Variants in HOOK3 observed in about 807,000 individuals in gnomAD.
HOOK3 encodes the protein hook microtubule tethering protein 3.
In HOOK3, 24 loss-of-function variants were observed where a neutral mutation model predicts 116.3. The observed-to-expected ratio is 0.21, with a 90% confidence interval of 0.15 to 0.29. The LOEUF is 0.29. Ranked by LOEUF, HOOK3 falls within the 10% of genes least tolerant of loss-of-function variation. The probability of loss-of-function intolerance (pLI) is 1.00; values close to 1 mark genes in which losing one functional copy is unlikely to be tolerated. For missense variants in HOOK3, 632 were observed against 830.2 expected (o/e 0.76, Z 2.93); for synonymous variants, 275 against 283.0 (o/e 0.97, Z 0.28).
Position 43,025,463 on chromosome 8 carries a change from A to T in HOOK3, c.*6965A>T. On this transcript the variant is annotated 3_prime_UTR_variant, in exon 22 of 22. Coordinates refer to ENST00000307602, the MANE Select transcript of HOOK3 (RefSeq NM_032410.4). Reference sequence around the variant, plus strand: ...CAATGAAAACTTGCATTATCTAAACAGATGTTCCCAAAGCAATAGTTTGCC... The same window carrying T: ...CAATGAAAACTTGCATTATCTAAACTGATGTTCCCAAAGCAATAGTTTGCC... The T allele has an allele frequency of 4.7e-6, 1 of 214,038 alleles. No homozygotes were observed. The highest frequency in any genetic ancestry group is 9.4e-6 in the Non-Finnish European group (1 of 105,890). 13.3% of individuals were successfully genotyped at this position (214,038 alleles called of 1,614,324 possible). A position where few individuals can be genotyped will look rare whatever the true frequency, so the allele number is the denominator to read the frequency against.
intron 4 of HOOK3, among the ~76,000 whole-genome samples, chr8:42,936,742 A>G (rs1044980781): frequency 1.3e-5 from 2 of 152,202 alleles, no homozygotes; most frequent in Admixed American, 6.5e-5. Context: ...GATGAAGCCA[A>G]CTTGATGGTG....
intron 17 of HOOK3, among the ~76,000 whole-genome samples, chr8:43,006,691 G>T (rs1273651801): frequency 6.6e-6 from 1 of 152,046 alleles, no homozygotes; most frequent in Non-Finnish European, 1.5e-5. Flanking sequence ...CTGTTATATT[G>T]TATATGTTCT....
chr8:42,897,251 A>T (rs1352462445), intron 1 of HOOK3, 63 bp downstream of exon 1: 17 of 1,118,950 alleles, frequency 1.5e-5, no homozygotes, highest in African/African-American at 6.5e-5. Flanking sequence ...GGGACCCTCC[A>T]CGCGCGGCCC....
chr8:42,909,486 C>G (rs1419601967), intron 2 of HOOK3, among the ~76,000 whole-genome samples: 2 of 152,204 alleles, frequency 1.3e-5, no homozygotes, highest in South Asian at 2.1e-4. Flanking sequence ...TTGATCGAGA[C>G]AGGGTCTCAC....
At chr8:43,003,619 T>C (rs954700869) in intron 17 of HOOK3, among the ~76,000 whole-genome samples, 7 of 152,206 alleles carry the variant, frequency 4.6e-5, no homozygotes, top group Admixed American at 2.0e-4. Flanking sequence ...CAAATTACCA[T>C]ACACTAGGTG....
At chr8:42,938,903 C>G (rs546569205) in intron 4 of HOOK3, among the ~76,000 whole-genome samples, 8,214 of 151,832 alleles carry the variant, frequency 0.054, 428 homozygotes, top group African/African-American at 0.14. Flanking sequence ...TTGAGATTAG[C>G]GAGTGGTGAT....
chr8:42,897,998 A>G (rs1291714307), intron 1 of HOOK3, among the ~76,000 whole-genome samples: 1 of 152,206 alleles, frequency 6.6e-6, no homozygotes, highest in African/African-American at 2.4e-5. Context: ...CGTTTCACTC[A>G]TTGCTGAGAA....
At chr8:42,996,611 A>C (rs763835411) in intron 15 of HOOK3, among the ~76,000 whole-genome samples, 1 of 151,918 alleles carries the variant, frequency 6.6e-6, no homozygotes, top group Non-Finnish European at 1.5e-5. Flanking sequence ...CTCATCATCT[A>C]TACCATTCCT....
intron 4 of HOOK3, among the ~76,000 whole-genome samples, chr8:42,932,221 A>G (rs1469236669): frequency 1.3e-5 from 2 of 152,218 alleles, no homozygotes; most frequent in East Asian, 1.9e-4. Context: ...GAATGCGAAC[A>G]TAGGGTTGGT....
At chr8:42,996,183 C>T (rs546394337) in intron 15 of HOOK3, among the ~76,000 whole-genome samples, 37 of 152,026 alleles carry the variant, frequency 2.4e-4, no homozygotes, top group African/African-American at 8.4e-4. Flanking sequence ...GTCAGGAGTT[C>T]GAGACCACCC....
intron 11 of HOOK3, among the ~76,000 whole-genome samples, chr8:42,968,545 G>C (rs1383445661): frequency 6.6e-6 from 1 of 152,040 alleles, no homozygotes; most frequent in Non-Finnish European, 1.5e-5. Flanking sequence ...GCCCAGGCTG[G>C]TCTTGTACTC....
intron 11 of HOOK3, among the ~76,000 whole-genome samples, chr8:42,970,508 G>A (rs1808706845): frequency 1.3e-5 from 2 of 152,016 alleles, no homozygotes; most frequent in African/African-American, 4.8e-5. Context: ...ACCTTTCCGT[G>A]GTCTTCCATG....
chr8:42,986,348 GATAA>G (rs553588483), intron 14 of HOOK3, among the ~76,000 whole-genome samples: 15 of 152,226 alleles, frequency 9.9e-5, no homozygotes, highest in Admixed American at 2.6e-4. Context: ...ATAAGAATCA[GATAA>G]ATAAATAAAT....
At chr8:43,007,285 G>A (rs1809511607) in intron 17 of HOOK3, among the ~76,000 whole-genome samples, 1 of 152,030 alleles carries the variant, frequency 6.6e-6, no homozygotes, top group African/African-American at 2.4e-5. Flanking sequence ...CCCAAACCTA[G>A]GTGACCCGGA....
intron 1 of HOOK3, among the ~76,000 whole-genome samples, chr8:42,897,624 G>GT (rs1316944677): frequency 6.6e-6 from 1 of 152,218 alleles, no homozygotes; most frequent in African/African-American, 2.4e-5. Context: ...CGGGGACCCC[G>GT]TTTCGGATGC....
At chr8:42,909,477 T>G (rs566781485) in intron 2 of HOOK3, among the ~76,000 whole-genome samples, 50 of 152,360 alleles carry the variant, frequency 3.3e-4, no homozygotes, top group Non-Finnish European at 6.6e-4. Flanking sequence ...ATTAATTGAT[T>G]GATCGAGACA....
At chr8:42,971,031 C>G (rs1204367645) in intron 11 of HOOK3, among the ~76,000 whole-genome samples, 1 of 152,214 alleles carries the variant, frequency 6.6e-6, no homozygotes, top group East Asian at 1.9e-4. Flanking sequence ...AAGACATCCT[C>G]CTGCCTCGGC....
intron 13 of HOOK3, among the ~76,000 whole-genome samples, chr8:42,978,986 G>C (rs1403979299): frequency 6.6e-6 from 1 of 152,162 alleles, no homozygotes; most frequent in Non-Finnish European, 1.5e-5. Flanking sequence ...GGCCAGGCAT[G>C]GTGGCTCTTG....
At chr8:42,905,755 C>T (rs1281862488) in intron 1 of HOOK3, among the ~76,000 whole-genome samples, 2 of 150,914 alleles carry the variant, frequency 1.3e-5, no homozygotes, top group African/African-American at 4.9e-5. Flanking sequence ...TATTCCAATC[C>T]CTAAGATGAG....
Sources: allele counts gnomAD v4.1 joint callset (sites outside exome capture counted in the v4.1 genomes callset), GRCh38; gene constraint gnomAD v4.1.1; transcripts MANE v1.5; gene names NCBI Gene and HGNC (gene_info 2026-07-23, HGNC 2026-07-21).